Variants in GOLGA8M observed in about 807,000 individuals in gnomAD.
GOLGA8M encodes golgin subfamily A member 8M.
GOLGA8M carries 34 observed loss-of-function variants against 87.7 expected under a neutral mutation model. That is an observed-to-expected ratio of 0.39 (90% CI 0.29 to 0.52). The LOEUF is 0.52. Among genes scored for constraint, GOLGA8M ranks in the 20% least tolerant of loss-of-function variants. The probability of loss-of-function intolerance (pLI) is 0.80; values close to 1 mark genes in which losing one functional copy is unlikely to be tolerated. For synonymous variants in GOLGA8M, 138 were observed against 250.2 expected (o/e 0.55, Z 4.23); for missense variants, 396 against 682.2 (o/e 0.58, Z 4.67).
rs1430081004 is a variant in GOLGA8M, at chr15:28,699,300, C to T, written c.*2654G>A. On this transcript the variant is annotated 3_prime_UTR_variant, in exon 19 of 19. Coordinates refer to ENST00000563027, the MANE Select transcript of GOLGA8M (RefSeq NM_001282468.3). Reference sequence around the variant, plus strand: ...ATTAAAATGTATTCAGTGGAACTCACAGTTTAAAATTCTGTGTTTCTGATG... The same window carrying T: ...ATTAAAATGTATTCAGTGGAACTCATAGTTTAAAATTCTGTGTTTCTGATG... Among the ~76,000 whole-genome samples, 7 of 148,422 alleles carry T rather than the reference C, an allele frequency of 4.7e-5. No individual in the cohort carries two copies. The highest frequency in any genetic ancestry group is 1.7e-4 in the African/African-American group (7 of 40,292).
At chr15:28,711,801 A>G in intron 1 of GOLGA8M, 1 of 983,646 alleles carries the variant, frequency 1.0e-6, no homozygotes, top group Non-Finnish European at 1.2e-6. Context: ...GGAGGGAAGC[A>G]CAGGGTTGGG....
At position 28,702,489 on chromosome 15, in the gene GOLGA8M, C is replaced by A. The variant is rs1281328789; in HGVS notation, c.1543G>T (p.Ala515Ser). The change falls in exon 17 of 19, where the codon GCT (alanine) becomes TCT (serine). Residue 515 changes from alanine (A) to serine (S), a missense_variant. Around this residue, in one of 12 missense-constraint regions of GOLGA8M, gnomAD observed 173 missense variants for 150.2 expected, o/e 1.15. Transcript: ENST00000563027. ...DAALGGGHHQ[A>S]GAQGGDEGEA... Reference sequence around the variant, plus strand: ...CCTTCATCTCCTCCCTGAGCTCCAGCCTGATGGTGTCCTCCTCCCAGTGCC... The same window carrying A: ...CCTTCATCTCCTCCCTGAGCTCCAGACTGATGGTGTCCTCCTCCCAGTGCC... The A allele has an allele frequency of 1.7e-5, 27 of 1,584,946 alleles. No homozygotes were observed. The highest frequency in any genetic ancestry group is 2.3e-5 in the Non-Finnish European group (27 of 1,176,070).
At chr15:28,704,337 G>A (rs2079937679) in intron 13 of GOLGA8M, among the ~76,000 whole-genome samples, 1 of 147,398 alleles carries the variant, frequency 6.8e-6, no homozygotes, top group Admixed American at 7.2e-5. Flanking sequence ...GTGGGGCTCT[G>A]TCAGCTGCCC....
rs372525917 is a variant in GOLGA8M, at chr15:28,707,161, G to A, written c.592-462C>T. On this transcript the variant is annotated intron_variant, in intron 8 of 18. Coordinates refer to ENST00000563027, the MANE Select transcript of GOLGA8M (RefSeq NM_001282468.3). Reference sequence around the variant, plus strand: ...CAGGTCTATCCAATTCTCTAAGCCCGTTTTTCTTGCTGGGGATGGGGGCAC... The same window carrying A: ...CAGGTCTATCCAATTCTCTAAGCCCATTTTTCTTGCTGGGGATGGGGGCAC... 2.4e-4 allele frequency among the ~76,000 whole-genome samples: 33 copies of A among 135,938 alleles called. 2 individuals carry two copies. Among genetic ancestry groups the A allele is most frequent in the Non-Finnish European group, 3.1e-4 (21 of 67,280 alleles). 89.2% of individuals were successfully genotyped at this position (135,938 alleles called of 152,430 possible).
At chr15:28,709,783 G>A (rs2080145704) in intron 2 of GOLGA8M, among the ~76,000 whole-genome samples, 195 bp from the exon 3 acceptor site, 1 of 151,780 alleles carries the variant, frequency 6.6e-6, no homozygotes, top group African/African-American at 2.4e-5. Context: ...CCCCTTCAGT[G>A]ACTCCTGATG....
In GOLGA8M at chr15:28,703,910, A is replaced by G. The variant is rs200923884; in HGVS notation, c.1208T>C (p.Leu403Pro). The part of the protein sequence containing the change: ...ELQEKLGEEH[L>P]EAASQQNQQL... The stretch of plus-strand genomic sequence containing the variant: ...CTGGTTCTGCTGGCTGGCAGCTTCC[A>G]GGTGCTCCTAAGGGGCCAGGAAAGA... The change falls in exon 14 of 19, where the codon CTG becomes CCG. Residue 403 changes from leucine to proline, a missense_variant. Coordinates refer to ENST00000563027, the MANE Select transcript of GOLGA8M (RefSeq NM_001282468.3). 6.7e-5 allele frequency: 106 copies of G among 1,580,332 alleles called. 4 individuals are homozygous for G. In the African/African-American group the frequency reaches 1.2e-3, roughly 19 times the overall value.
chr15:28,713,239 A>C (rs2080238362), upstream of GOLGA8M, among the ~76,000 whole-genome samples: 1 of 151,376 alleles, frequency 6.6e-6, no homozygotes, highest in Admixed American at 6.6e-5. Flanking sequence ...TGGGAGGCTG[A>C]GGCAGGAGAA....
At position 28,708,091 on chromosome 15, in the gene GOLGA8M, G is replaced by A. The variant is rs201685016; in HGVS notation, c.396+35C>T. 1.3e-3 allele frequency: 2,095 copies of A among 1,605,528 alleles called. 2 individuals carry two copies. Among genetic ancestry groups the A allele is most frequent in the Middle Eastern group, 2.8e-3 (17 of 6,024 alleles). ...AAAGAGAAGGAAAGAAACATTCTCCGGAGGACAGGAGGAAACTGCACACCC... is the reference window on the plus strand; with the variant it reads ...AAAGAGAAGGAAAGAAACATTCTCCAGAGGACAGGAGGAAACTGCACACCC... On this transcript the variant is annotated intron_variant, in intron 6 of 18. Transcript: ENST00000563027.
chr15:28,704,143 C>A (rs1178203790), intron 13 of GOLGA8M, among the ~76,000 whole-genome samples: 1 of 148,206 alleles, frequency 6.7e-6, no homozygotes. Flanking sequence ...TGCTGATAGG[C>A]GGCCACCTGC....
rs1206828744 is a variant in GOLGA8M, at chr15:28,708,015, A to G, written c.419T>C (p.Ile140Thr). 3.8e-6 allele frequency: 6 copies of G among 1,592,018 alleles called. No individual in the cohort carries two copies. The African/African-American group carries it at 5.6e-5, about 15-fold the overall frequency. ...VLEVQLQTLN[I>T]QKEELNTDLY... ...GTCCGTATTTAGTTCCTCTTTCTGTATGTTCAATGTCTGGAGTTGAACCTT... is the reference window on the plus strand; with the variant it reads ...GTCCGTATTTAGTTCCTCTTTCTGTGTGTTCAATGTCTGGAGTTGAACCTT... The change falls in exon 7 of 19, where the codon ATA (isoleucine) becomes ACA (threonine). Residue 140 changes from isoleucine (I) to threonine (T), a missense_variant. Coordinates refer to ENST00000563027, the MANE Select transcript of GOLGA8M (RefSeq NM_001282468.3).
chr15:28,704,599 C>G (rs902273639), intron 13 of GOLGA8M, among the ~76,000 whole-genome samples: 21 of 148,124 alleles, frequency 1.4e-4, no homozygotes, highest in African/African-American at 5.0e-4. Flanking sequence ...TGTTTTCAGA[C>G]AAGAGTGTCA....
At chr15:28,708,635 A>C (rs2080112531) in intron 4 of GOLGA8M, among the ~76,000 whole-genome samples, 1 of 149,006 alleles carries the variant, frequency 6.7e-6, no homozygotes, top group Non-Finnish European at 1.5e-5. Flanking sequence ...TGAATCTGGA[A>C]TCTCTTGAGA....
rs1251002333 is a variant in GOLGA8M, at chr15:28,705,548, TCTC to T, written c.1063_1065del (p.Glu355del). On this transcript the variant is annotated inframe_deletion, in exon 12 of 19. Coordinates refer to ENST00000563027, the MANE Select transcript of GOLGA8M (RefSeq NM_001282468.3). ...AGGCTCTTGTGCTGCTCCTGAATCC[TCTC>T]CTCCTGCTTCCGAAGCCTCTCTTCC... 4.5e-6 allele frequency: 7 copies of T among 1,556,950 alleles called. No individual in the cohort carries two copies. The highest frequency in any genetic ancestry group is 2.4e-5 in the East Asian group (1 of 41,500).
rs1444946328 is a variant in GOLGA8M, at chr15:28,701,096, C to T, written c.*858G>A. 1.3e-5 allele frequency among the ~76,000 whole-genome samples: 2 copies of T among 152,048 alleles called. No individual in the cohort carries two copies. The highest frequency in any genetic ancestry group is 1.9e-4 in the East Asian group (1 of 5,184). On this transcript the variant is annotated 3_prime_UTR_variant, in exon 19 of 19. Transcript: ENST00000563027. ...TAAGCTAGGAAAGGTTTTCCACATC[C>T]ACAGTCAACGATGGGAACCTTTCAT...
chr15:28,711,696 T>C (rs1412671827), intron 1 of GOLGA8M: 1 of 984,906 alleles, frequency 1.0e-6, no homozygotes, highest in African/African-American at 1.7e-5. Context: ...TAACGGCAGT[T>C]ACTAGGTGGG....
In GOLGA8M at chr15:28,709,247, G is replaced by T. The variant is rs1357152755; in HGVS notation, c.309+20C>A. 6.8e-7 allele frequency: 1 copy of T among 1,480,608 alleles called. No homozygotes were observed. The highest frequency in any genetic ancestry group is 1.5e-5 in the African/African-American group (1 of 67,464). The allele number at this position is 1,480,608 out of a possible 1,614,324, so 91.7% of individuals were successfully genotyped here. A position where few individuals can be genotyped will look rare whatever the true frequency, so the allele number is the denominator to read the frequency against. On this transcript the variant is annotated intron_variant, in intron 4 of 18. Coordinates refer to ENST00000563027, the MANE Select transcript of GOLGA8M (RefSeq NM_001282468.3). ...CCAGGATTGGCAGCGTGGAATCAGG[G>T]GACCCCACCGGACTCTTACCAAAGA...
In GOLGA8M at chr15:28,702,762, G is replaced by A; in HGVS notation, c.1369-17C>T. Reference sequence around the variant, plus strand: ...AAAGCTGCTCTGGAGCCAAAATATTGCAGTCACATCTCGGCAGCGACCTGC... The same window carrying A: ...AAAGCTGCTCTGGAGCCAAAATATTACAGTCACATCTCGGCAGCGACCTGC... On this transcript the variant is annotated splice_polypyrimidine_tract_variant and intron_variant, in intron 15 of 18. Coordinates refer to ENST00000563027, the MANE Select transcript of GOLGA8M (RefSeq NM_001282468.3). The A allele has an allele frequency of 2.5e-6, 4 of 1,598,202 alleles. No homozygotes were observed. The highest frequency in any genetic ancestry group is 2.5e-6 in the Non-Finnish European group (3 of 1,179,382).
rs578246823 is a variant in GOLGA8M at position 28,707,354 on chromosome 15, G to A, written c.591+394C>T. On this transcript the variant is annotated intron_variant, in intron 8 of 18. Coordinates refer to ENST00000563027, the MANE Select transcript of GOLGA8M (RefSeq NM_001282468.3). The stretch of plus-strand genomic sequence containing the variant: ...GACATGTTTTATGTATATTATCATA[G>A]TATGTACACACACACACACACACAC... Among the ~76,000 whole-genome samples the A allele has an allele frequency of 6.1e-3, 830 of 137,054 alleles. 42 individuals are homozygous for A. Among genetic ancestry groups the A allele is most frequent in the African/African-American group, 0.023 (773 of 33,954 alleles). The allele number at this position is 137,054 out of a possible 152,430, so 89.9% of individuals were successfully genotyped here. A position where few individuals can be genotyped will look rare whatever the true frequency, so the allele number is the denominator to read the frequency against.
rs542830542 is a variant in GOLGA8M, at chr15:28,708,008, T to C, written c.426A>G (p.Lys142=). 90 of 1,592,598 alleles carry C rather than the reference T, an allele frequency of 5.7e-5. 2 individuals carry two copies. The highest frequency in any genetic ancestry group is 7.3e-5 in the Non-Finnish European group (86 of 1,177,260). Residue 142 remains lysine, a synonymous_variant, in exon 7 of 19, where the codon AAA becomes AAG. Transcript: ENST00000563027. ...EVQLQTLNIQ[K]EELNTDLYHM... ...GGTACAGGTCCGTATTTAGTTCCTC[T>C]TTCTGTATGTTCAATGTCTGGAGTT... is the stretch of plus-strand genomic sequence containing the variant.
Sources: gnomAD v4.1 joint callset for allele counts (sites outside exome capture counted in the v4.1 genomes callset) on GRCh38, gnomAD v4.1.1 for gene constraint, gnomAD v4.1.1 regional missense constraint, MANE v1.5 for transcripts, NCBI Gene and HGNC (gene_info 2026-07-23, HGNC 2026-07-21) for gene names.